EYS: variants seen among roughly 807,000 people sequenced by gnomAD.
EYS encodes the protein protein eyes shut homolog.
A neutral mutation model predicts 282.1 loss-of-function variants in EYS; 250 were observed. The observed-to-expected ratio is 0.89, with a 90% CI of 0.80 to 0.98. The LOEUF is 0.98. Among genes scored for constraint, EYS ranks in the 50% least tolerant of loss-of-function variants. The pLI is 0.00. For missense variants in EYS, 4,016 were observed against 3,709.0 expected (o/e 1.08, Z -2.15); for synonymous variants, 1,355 against 1,282.9 (o/e 1.06, Z -1.20).
chr6:65,344,182 A>G lies in EYS; in HGVS notation c.1460-5T>C, dbSNP rs1000894278. The G allele has an allele frequency of 2.6e-6, 4 of 1,551,032 alleles. No homozygotes were observed. The highest frequency in any genetic ancestry group is 3.5e-6 in the Non-Finnish European group (4 of 1,127,682). ...GGCACTTTTCGCCTTCAGATCCTTTAAAAAAAAAGAGATAAAAAATTAAAT... is the reference window on the plus strand; with the variant it reads ...GGCACTTTTCGCCTTCAGATCCTTTGAAAAAAAAGAGATAAAAAATTAAAT... On this transcript the variant is annotated splice_region_variant and splice_polypyrimidine_tract_variant and intron_variant, in intron 9 of 42. Transcript: ENST00000503581.
intron 5 of EYS, among the ~76,000 whole-genome samples, chr6:65,423,595 A>G (rs1366173328): frequency 6.6e-6 from 1 of 151,972 alleles, no homozygotes; most frequent in African/African-American, 2.4e-5. Context: ...CTGCTGATAC[A>G]GAACCACACA....
intron 31 of EYS, among the ~76,000 whole-genome samples, chr6:64,082,626 T>G (rs1297711009): frequency 6.6e-6 from 1 of 152,156 alleles, no homozygotes; most frequent in East Asian, 1.9e-4. Context: ...ACAGAGGAAT[T>G]TTATTAATGT....
chr6:63,750,397 C>T (rs1002542926), intron 41 of EYS, among the ~76,000 whole-genome samples: 3 of 152,168 alleles, frequency 2.0e-5, no homozygotes, highest in African/African-American at 7.2e-5. Flanking sequence ...TGACTTTGTA[C>T]AGGAGAAGAC....
At chr6:64,037,617 C>T (rs1341742615) in intron 33 of EYS, among the ~76,000 whole-genome samples, 2 of 152,072 alleles carry the variant, frequency 1.3e-5, no homozygotes, top group Non-Finnish European at 2.9e-5. Context: ...AAACTACTCC[C>T]CTTGGCAGCA....
At chr6:63,936,789 A>T (rs1014435116) in intron 35 of EYS, among the ~76,000 whole-genome samples, 13 of 152,220 alleles carry the variant, frequency 8.5e-5, no homozygotes, top group African/African-American at 1.4e-4. Flanking sequence ...CCTACACTAA[A>T]ATGTAATTTG....
intron 30 of EYS, among the ~76,000 whole-genome samples, chr6:64,278,884 C>A (rs1043199338): frequency 6.6e-6 from 1 of 152,122 alleles, no homozygotes; most frequent in African/African-American, 2.4e-5. Flanking sequence ...CTGCCTTAGA[C>A]TCCTGCTACA....
intron 22 of EYS, among the ~76,000 whole-genome samples, chr6:64,673,807 A>G (rs1338001226): frequency 6.6e-6 from 1 of 152,070 alleles, no homozygotes; most frequent in Non-Finnish European, 1.5e-5. Context: ...GATGCCTACT[A>G]TGGTACCTAA....
At chr6:64,176,814 T>C (rs1236427646) in intron 31 of EYS, among the ~76,000 whole-genome samples, 1 of 152,108 alleles carries the variant, frequency 6.6e-6, no homozygotes, top group Non-Finnish European at 1.5e-5. Context: ...TTCTCTGTTA[T>C]GTCTTCATAT....
chr6:64,674,444 A>G (rs987721325), intron 22 of EYS, among the ~76,000 whole-genome samples: 3 of 152,114 alleles, frequency 2.0e-5, no homozygotes, highest in Non-Finnish European at 4.4e-5. Flanking sequence ...CAGGAAAAGT[A>G]CAATTACTGT....
chr6:64,655,344 G>C (rs986948690), intron 22 of EYS, among the ~76,000 whole-genome samples: 2 of 96,646 alleles, frequency 2.1e-5, no homozygotes, highest in Non-Finnish European at 4.3e-5. Flanking sequence ...ATATGCTTTT[G>C]AATCTTTTTC....
At chr6:64,028,505 C>T (rs1040513990) in intron 33 of EYS, among the ~76,000 whole-genome samples, 6 of 152,194 alleles carry the variant, frequency 3.9e-5, no homozygotes, top group African/African-American at 7.2e-5. Context: ...ACCCCTATAT[C>T]CTGCTCTCTC....
chr6:64,189,172 A>G (rs1277733502), intron 31 of EYS, among the ~76,000 whole-genome samples: 1 of 152,198 alleles, frequency 6.6e-6, no homozygotes, highest in Non-Finnish European at 1.5e-5. Context: ...CTATATATGT[A>G]TATGTGTAAA....
At chr6:65,573,077 T>C (rs13328243) in intron 2 of EYS, among the ~76,000 whole-genome samples, 51 of 152,204 alleles carry the variant, frequency 3.4e-4, no homozygotes, top group African/African-American at 1.1e-3. Context: ...ATATAGGCAA[T>C]GAGAATCAGG....
chr6:64,362,348 A>G (rs1455707927), intron 29 of EYS, among the ~76,000 whole-genome samples: 1 of 151,850 alleles, frequency 6.6e-6, no homozygotes, highest in African/African-American at 2.4e-5. Context: ...ACTAGAGTAT[A>G]CTTTCCACAG....
At chr6:64,187,502 G>A (rs1670207427) in intron 31 of EYS, among the ~76,000 whole-genome samples, 1 of 151,602 alleles carries the variant, frequency 6.6e-6, no homozygotes, top group South Asian at 2.1e-4. Context: ...TAAATACAAG[G>A]AAAAAAGAAA....
At chr6:64,912,787 C>A in intron 15 of EYS, 44 bp from the exon 16 acceptor site, 1 of 1,266,788 alleles carries the variant, frequency 7.9e-7, no homozygotes, top group Non-Finnish European at 1.0e-6. Context: ...AACTCTTTTT[C>A]AAGTTTATTT....
chr6:65,026,556 G>C (rs1772414113), intron 13 of EYS, among the ~76,000 whole-genome samples: 1 of 152,100 alleles, frequency 6.6e-6, no homozygotes, highest in South Asian at 2.1e-4. Flanking sequence ...GTGTCAGAAG[G>C]TGCATTAGGA....
At chr6:65,289,596 T>C (rs1290103459) in intron 12 of EYS, among the ~76,000 whole-genome samples, 2 of 151,124 alleles carry the variant, frequency 1.3e-5, no homozygotes, top group Non-Finnish European at 3.0e-5. Flanking sequence ...ATGCGTAAGG[T>C]AAATTTCTTC....
chr6:64,869,906 C>T (rs1766538407), intron 19 of EYS, among the ~76,000 whole-genome samples: 2 of 150,442 alleles, frequency 1.3e-5, no homozygotes, highest in Admixed American at 1.3e-4. Context: ...AAAGGTAAGA[C>T]TAGAAGTAAG....
Sources: gnomAD v4.1 joint callset for allele counts (sites outside exome capture counted in the v4.1 genomes callset) on GRCh38, gnomAD v4.1.1 for gene constraint, MANE v1.5 for transcripts, NCBI Gene and HGNC (gene_info 2026-07-23, HGNC 2026-07-21) for gene names.